The following TMEM135 variants were observed in gnomAD, a reference collection of about 807,000 sequenced individuals.
TMEM135 encodes transmembrane protein 135.
In TMEM135, 30 loss-of-function variants were observed where a neutral mutation model predicts 60.3. That is an observed-to-expected ratio of 0.50 (90% CI 0.37 to 0.68). TMEM135 has a LOEUF of 0.68. TMEM135 is among the 30% of genes least tolerant of loss of function. TMEM135 has a pLI of 0.00. For synonymous variants in TMEM135, 190 were observed against 186.7 expected (o/e 1.02, Z -0.14); for missense variants, 468 against 548.8 (o/e 0.85, Z 1.47).
At chr11:87,122,751 G>A (rs577800245) in intron 4 of TMEM135, among the ~76,000 whole-genome samples, 6 of 152,090 alleles carry the variant, frequency 3.9e-5, no homozygotes, top group African/African-American at 4.8e-5. Flanking sequence ...GTGAGCCACC[G>A]CGCCTGGCCA....
chr11:87,043,667 G>A (rs1479193962), intron 1 of TMEM135, among the ~76,000 whole-genome samples: 1 of 152,002 alleles, frequency 6.6e-6, no homozygotes, highest in Non-Finnish European at 1.5e-5. Flanking sequence ...AGGTTGTACT[G>A]AGCAGAGATC....
At chr11:87,249,209 A>G (rs1459593105) in intron 6 of TMEM135, among the ~76,000 whole-genome samples, 4 of 152,130 alleles carry the variant, frequency 2.6e-5, no homozygotes, top group East Asian at 1.9e-4. Flanking sequence ...CTCATTCACT[A>G]TGATACTATC....
intron 5 of TMEM135, among the ~76,000 whole-genome samples, chr11:87,212,090 A>G (rs374540970): frequency 6.6e-6 from 1 of 152,240 alleles, no homozygotes; most frequent in African/African-American, 2.4e-5. Flanking sequence ...ACATCTGTCT[A>G]TCCATTTGTA....
intron 4 of TMEM135, among the ~76,000 whole-genome samples, chr11:87,145,685 T>C (rs780276812): frequency 3.5e-4 from 46 of 129,668 alleles, no homozygotes; most frequent in Middle Eastern, 4.3e-3. Flanking sequence ...ATTTCTGATG[T>C]TGATTTTTTT....
At position 87,079,306 on chromosome 11, in the gene TMEM135, A is replaced by G. The variant is rs555446904; in HGVS notation, c.362+7691A>G. On this transcript the variant is annotated intron_variant, in intron 3 of 14. Coordinates refer to ENST00000305494, the MANE Select transcript of TMEM135 (RefSeq NM_022918.4). ...CAGATGTGAGCCACTGCGCCTGGCC[A>G]TGTTTTCTTTTAAAAGTTGTATAGT... 2.1e-4 allele frequency among the ~76,000 whole-genome samples: 32 copies of G among 152,300 alleles called. 2 individuals are homozygous for G. The South Asian group carries it at 6.0e-3, about 29-fold the overall frequency.
chr11:87,073,284 C>T lies in TMEM135; in HGVS notation c.362+1669C>T, dbSNP rs956901343. ...TCCTGACCTTGTGATCCGCCCACCT[C>T]GGCCTCCCAAAGTGCTGGGATTAGA... On this transcript the variant is annotated intron_variant, in intron 3 of 14. Transcript: ENST00000305494. 5.9e-5 allele frequency among the ~76,000 whole-genome samples: 9 copies of T among 152,052 alleles called. No homozygotes were observed. The South Asian group carries it at 8.3e-4, about 14-fold the overall frequency.
intron 6 of TMEM135, among the ~76,000 whole-genome samples, chr11:87,295,365 A>G (rs1942330854): frequency 6.6e-6 from 1 of 152,168 alleles, no homozygotes; most frequent in Non-Finnish European, 1.5e-5. Flanking sequence ...TCACTGATTT[A>G]ATAGGTAGGG....
At chr11:87,305,844 G>A in intron 8 of TMEM135, 92 bp from the exon 9 acceptor site, 4 of 645,634 alleles carry the variant, frequency 6.2e-6, no homozygotes, top group Admixed American at 3.1e-5. Flanking sequence ...TTTTTGGTTA[G>A]AAAGCTTTAA....
At chr11:87,103,847 G>T (rs2445545) in intron 4 of TMEM135, among the ~76,000 whole-genome samples, 1 of 151,782 alleles carries the variant, frequency 6.6e-6, no homozygotes, top group Admixed American at 6.6e-5. Flanking sequence ...TAGAGATGGG[G>T]TTTCACCATG....
intron 5 of TMEM135, among the ~76,000 whole-genome samples, chr11:87,228,536 G>C (rs1167378098): frequency 1.3e-5 from 2 of 152,116 alleles, no homozygotes; most frequent in Non-Finnish European, 2.9e-5. Flanking sequence ...GTCATGGAAG[G>C]AAGAGGATCT....
chr11:87,070,301 G>A (rs1856750345), intron 2 of TMEM135, among the ~76,000 whole-genome samples: 1 of 151,724 alleles, frequency 6.6e-6, no homozygotes, highest in Non-Finnish European at 1.5e-5. Flanking sequence ...CCCTTTCTTA[G>A]GAACATATGT....
chr11:87,201,062 T>A (rs1327364801), intron 5 of TMEM135, among the ~76,000 whole-genome samples: 3 of 152,218 alleles, frequency 2.0e-5, no homozygotes, highest in Admixed American at 2.0e-4. Flanking sequence ...CACTCTTTTT[T>A]ATTTTTTAAT....
intron 6 of TMEM135, among the ~76,000 whole-genome samples, chr11:87,247,082 C>A (rs147576904): frequency 1.3e-4 from 19 of 149,940 alleles, no homozygotes; most frequent in African/African-American, 4.4e-4. Flanking sequence ...ACAGGACGCT[C>A]AGCTGCAGGT....
At chr11:87,075,447 C>T (rs1272881443) in intron 3 of TMEM135, among the ~76,000 whole-genome samples, 1 of 152,162 alleles carries the variant, frequency 6.6e-6, no homozygotes, top group Admixed American at 6.5e-5. Context: ...CGCCACTGCA[C>T]CCGGTCCAAT....
chr11:87,077,216 T>C (rs944177543), intron 3 of TMEM135, among the ~76,000 whole-genome samples: 1 of 152,262 alleles, frequency 6.6e-6, no homozygotes, highest in Non-Finnish European at 1.5e-5. Flanking sequence ...GAGGAAGTTA[T>C]ATAAATGGAA....
Position 87,171,090 on chromosome 11 carries a change from T to C in TMEM135, c.462+13684T>C, listed in dbSNP as rs546613297. On this transcript the variant is annotated intron_variant, in intron 5 of 14. Coordinates refer to ENST00000305494, the MANE Select transcript of TMEM135 (RefSeq NM_022918.4). ...AGGCTTTGCCAGTTAGGAGAAACAATATGAAAAGGGGCATAGTTGAAGATT... is the reference window on the plus strand; with the variant it reads ...AGGCTTTGCCAGTTAGGAGAAACAACATGAAAAGGGGCATAGTTGAAGATT... Among the ~76,000 whole-genome samples, 13 of 152,028 alleles carry C rather than the reference T, an allele frequency of 8.6e-5. No homozygotes were observed. In the East Asian group the frequency reaches 2.3e-3, roughly 27 times the overall value.
intron 6 of TMEM135, among the ~76,000 whole-genome samples, chr11:87,286,955 TTG>T (rs1942177520): frequency 6.6e-6 from 1 of 152,220 alleles, no homozygotes; most frequent in African/African-American, 2.4e-5. Flanking sequence ...ACTTTTAATT[TTG>T]ATACTGAGTG....
chr11:87,067,060 G>A (rs1369544123), intron 1 of TMEM135, among the ~76,000 whole-genome samples: 1 of 150,220 alleles, frequency 6.7e-6, no homozygotes, highest in African/African-American at 2.4e-5. Flanking sequence ...GATTACAGGT[G>A]TGAGCCACCG....
At chr11:87,238,747 C>G (rs796342028) in intron 6 of TMEM135, among the ~76,000 whole-genome samples, 27 of 152,066 alleles carry the variant, frequency 1.8e-4, no homozygotes, top group African/African-American at 6.5e-4. Flanking sequence ...TTTTTATGTT[C>G]TATCTAGCCT....
Sources: gnomAD v4.1 joint callset for allele counts (sites outside exome capture counted in the v4.1 genomes callset) on GRCh38, gnomAD v4.1.1 for gene constraint, MANE v1.5 for transcripts, NCBI Gene and HGNC (gene_info 2026-07-23, HGNC 2026-07-21) for gene names.